ATXN7L1: variants seen among roughly 807,000 people sequenced by gnomAD.
ATXN7L1 encodes ataxin-7-like protein 1.
In ATXN7L1, 15 loss-of-function variants were observed where a neutral mutation model predicts 70.8. The observed-to-expected ratio is 0.21, with a 90% CI of 0.14 to 0.33. ATXN7L1 has a LOEUF of 0.33. Ranked by LOEUF, ATXN7L1 falls within the 10% of genes least tolerant of loss-of-function variation. ATXN7L1 has a pLI of 1.00. For synonymous variants in ATXN7L1, 440 were observed against 445.1 expected, an observed-to-expected ratio of 0.99 and a Z score of 0.14; for missense variants, 975 against 1,097.1, an observed-to-expected ratio of 0.89 and a Z score of 1.57.
intron 2 of ATXN7L1, chr7:105,819,719 T>G (rs1809807133): frequency 2.4e-6 from 2 of 847,440 alleles, no homozygotes; most frequent in South Asian, 2.6e-5. Context: ...TCCGGGCCTC[T>G]AGCCGCACCT....
intron 3 of ATXN7L1, among the ~76,000 whole-genome samples, chr7:105,731,771 A>AAGAGAAAAGAAAAGAAAAGAAAAGAAC (rs377098222): frequency 1.6e-5 from 1 of 63,980 alleles, no homozygotes; most frequent in Non-Finnish European, 2.9e-5. Context: ...AAGAAAAGAA[A>AAGAGAAAAGAAAAGAAAAGAAAAGAAC]AGAAAAGAAA....
intron 6 of ATXN7L1, among the ~76,000 whole-genome samples, chr7:105,639,028 G>C (rs1797770897): frequency 6.6e-6 from 1 of 152,112 alleles, no homozygotes. Flanking sequence ...GAAATACAGG[G>C]CTTTGGGCGA....
Position 105,823,962 on chromosome 7 carries a change from A to C in ATXN7L1, c.251-35254T>G, listed in dbSNP as rs552339554. ...AGTCTGAAGGTTTGTTTACTGGAGA[A>C]ATGGGTTAGAAGAGGATCCAGACCA... On this transcript the variant is annotated intron_variant, in intron 2 of 11. Transcript: ENST00000419735. Among the ~76,000 whole-genome samples the C allele has an allele frequency of 2.6e-5, 4 of 152,144 alleles. No homozygotes were observed. The South Asian group carries it at 6.2e-4, about 24-fold the overall frequency.
At chr7:105,761,293 C>T in intron 3 of ATXN7L1, 1 of 1,597,254 alleles carries the variant, frequency 6.3e-7, no homozygotes. Flanking sequence ...CTGCTGGAGT[C>T]TCCTCTTCCA....
At chr7:105,675,233 T>G (rs781397885) in intron 3 of ATXN7L1, among the ~76,000 whole-genome samples, 47 of 152,220 alleles carry the variant, frequency 3.1e-4, no homozygotes, top group Admixed American at 9.8e-4. Flanking sequence ...GAGAGTTATC[T>G]CAACCTAAGA....
intron 3 of ATXN7L1, among the ~76,000 whole-genome samples, chr7:105,774,590 T>C (rs1002265667): frequency 2.0e-5 from 3 of 152,044 alleles, no homozygotes; most frequent in African/African-American, 7.2e-5. Context: ...TGACCTCAAG[T>C]AATCCACCTG....
At chr7:105,692,370 T>TTCCTTCC (rs1791006818) in intron 3 of ATXN7L1, among the ~76,000 whole-genome samples, 15 of 94,606 alleles carry the variant, frequency 1.6e-4, no homozygotes, top group African/African-American at 5.2e-4. Context: ...AATTTCTTTC[T>TTCCTTCC]TTCCTTCCTT....
intron 2 of ATXN7L1, among the ~76,000 whole-genome samples, chr7:105,837,831 G>A (rs914224023): frequency 2.0e-5 from 3 of 152,074 alleles, no homozygotes; most frequent in African/African-American, 4.8e-5. Context: ...GGAGGCCTCC[G>A]TGAGACAAGT....
intron 2 of ATXN7L1, 23 bp from the exon 3 acceptor site, chr7:105,788,731 T>C (rs1250200484): frequency 6.4e-7 from 1 of 1,568,980 alleles, no homozygotes; most frequent in African/African-American, 1.4e-5. Flanking sequence ...TGAAAACAAG[T>C]GTGTTTTGAA....
At chr7:105,619,486 A>G (rs1659175765) in intron 9 of ATXN7L1, among the ~76,000 whole-genome samples, 1 of 126,740 alleles carries the variant, frequency 7.9e-6, no homozygotes, top group African/African-American at 3.0e-5. Flanking sequence ...TTAACATCAC[A>G]AACAGAAGCA....
Position 105,645,307 on chromosome 7 carries a change from A to T in ATXN7L1, c.579-2186T>A, listed in dbSNP as rs969978256. Among the ~76,000 whole-genome samples the T allele has an allele frequency of 2.0e-5, 3 of 152,218 alleles. No individual in the cohort carries two copies. In the East Asian group the frequency reaches 5.8e-4, roughly 29 times the overall value. ...ATGTTTTACATGTACAAACTAAAAA[A>T]AAATGCAAATTACAAAACTCTTACA... On this transcript the variant is annotated intron_variant, in intron 4 of 11. Coordinates refer to ENST00000419735, the MANE Select transcript of ATXN7L1 (RefSeq NM_020725.2).
At chr7:105,699,376 C>A (rs1267432088) in intron 3 of ATXN7L1, among the ~76,000 whole-genome samples, 2 of 152,188 alleles carry the variant, frequency 1.3e-5, no homozygotes, top group African/African-American at 4.8e-5. Context: ...AGGTGATCTG[C>A]CTGCCTCAGC....
At chr7:105,845,610 A>C (rs752577690) in intron 2 of ATXN7L1, among the ~76,000 whole-genome samples, 1 of 151,604 alleles carries the variant, frequency 6.6e-6, no homozygotes, top group Non-Finnish European at 1.5e-5. Flanking sequence ...AACAATTTTG[A>C]AAAAGAACAA....
intron 2 of ATXN7L1, among the ~76,000 whole-genome samples, chr7:105,854,833 TA>T (rs1815473900): frequency 6.6e-6 from 1 of 152,254 alleles, no homozygotes; most frequent in Non-Finnish European, 1.5e-5. Context: ...ATTAAATTAT[TA>T]AAAGTTATAT....
intron 2 of ATXN7L1, among the ~76,000 whole-genome samples, chr7:105,870,692 C>A (rs1473139128): frequency 3.3e-5 from 5 of 152,148 alleles, no homozygotes; most frequent in Non-Finnish European, 7.3e-5. Context: ...GAGAGCTTTT[C>A]CCTAATTAGC....
At chr7:105,863,063 G>A (rs1372152655) in intron 2 of ATXN7L1, among the ~76,000 whole-genome samples, 2 of 152,188 alleles carry the variant, frequency 1.3e-5, no homozygotes, top group South Asian at 4.1e-4. Context: ...TCATCCTAGA[G>A]AGCACACCCT....
At chr7:105,677,427 G>A (rs1306180679) in intron 3 of ATXN7L1, among the ~76,000 whole-genome samples, 4 of 152,102 alleles carry the variant, frequency 2.6e-5, no homozygotes, top group Non-Finnish European at 4.4e-5. Context: ...TCATCTTAGC[G>A]CACATCACAC....
chr7:105,838,173 C>T (rs899674106), intron 2 of ATXN7L1, among the ~76,000 whole-genome samples: 3 of 152,184 alleles, frequency 2.0e-5, no homozygotes, highest in South Asian at 2.1e-4. Flanking sequence ...GACAAGAAAA[C>T]GACACAGGCC....
intron 3 of ATXN7L1, among the ~76,000 whole-genome samples, chr7:105,736,507 T>A (rs561250371): frequency 4.6e-5 from 7 of 152,268 alleles, no homozygotes; most frequent in South Asian, 4.1e-4. Flanking sequence ...GCAATTGCAG[T>A]TTTGTGGAAC....
Sources: gnomAD v4.1 joint callset for allele counts (sites outside exome capture counted in the v4.1 genomes callset) on GRCh38, gnomAD v4.1.1 for gene constraint, MANE v1.5 for transcripts, NCBI Gene and HGNC (gene_info 2026-07-23, HGNC 2026-07-21) for gene names.